Variants in MYO1F observed in about 807,000 individuals in gnomAD.
The protein encoded by MYO1F is unconventional myosin-If.
In MYO1F, 60 loss-of-function variants were observed where a neutral mutation model predicts 146.6. That is an observed-to-expected ratio of 0.41 (90% CI 0.33 to 0.51). The LOEUF (loss-of-function observed/expected upper bound fraction) is 0.51. Ranked by LOEUF, MYO1F falls within the 20% of genes least tolerant of loss-of-function variation. The probability of loss-of-function intolerance (pLI) is 0.25; values close to 1 mark genes in which losing one functional copy is unlikely to be tolerated. For synonymous variants in MYO1F, 602 were observed against 602.1 expected, an observed-to-expected ratio of 1.00 and a Z score of 0.00; for missense variants, 1,274 against 1,534.3, an observed-to-expected ratio of 0.83 and a Z score of 2.83.
chr19:8,572,017 C>G (rs562743218), intron 1 of MYO1F, among the ~76,000 whole-genome samples: 2 of 152,316 alleles, frequency 1.3e-5, no homozygotes, highest in African/African-American at 4.8e-5. Flanking sequence ...GCCACCGCGC[C>G]TGGCCTTTAT....
chr19:8,574,850 G>T (rs1400095209), intron 1 of MYO1F, among the ~76,000 whole-genome samples: 1 of 148,834 alleles, frequency 6.7e-6, no homozygotes, highest in East Asian at 2.0e-4. Flanking sequence ...CTGCCTCCTG[G>T]GTTCAAGTGA....
chr19:8,573,475 A>G (rs1431224019), intron 1 of MYO1F, among the ~76,000 whole-genome samples: 4 of 152,142 alleles, frequency 2.6e-5, no homozygotes, highest in African/African-American at 9.7e-5. Context: ...GACAGGTCCC[A>G]TGAGCAATTC....
rs369571817 is a variant in MYO1F, at chr19:8,526,893, G to C, written c.2517C>G (p.Ala839=). Residue 839 remains alanine, a synonymous_variant, in exon 23 of 28, where the codon GCC becomes GCG. Coordinates refer to ENST00000644032, the MANE Select transcript of MYO1F (RefSeq NM_012335.4). ...DDFFILQEDA[A]DSFLESVFKT... Reference sequence around the variant, plus strand: ...TGAAGACGCTCTCCAGGAAGCTGTCGGCGGCATCCTCTTGGAGGATGAAGA... The same window carrying C: ...TGAAGACGCTCTCCAGGAAGCTGTCCGCGGCATCCTCTTGGAGGATGAAGA... 8.1e-6 allele frequency: 13 copies of C among 1,613,922 alleles called. No homozygotes were observed. The highest frequency in any genetic ancestry group is 1.1e-5 in the South Asian group (1 of 91,082).
intron 16 of MYO1F, among the ~76,000 whole-genome samples, chr19:8,539,421 AAAACC>A (rs1160382101): frequency 2.0e-5 from 3 of 151,884 alleles, no homozygotes; most frequent in Middle Eastern, 3.4e-3. Flanking sequence ...TCTCAAAAAA[AAAACC>A]AAACCAACAA....
At chr19:8,522,293 A>G (rs1972091749) in intron 27 of MYO1F, 84 bp downstream of exon 27, 1 of 1,573,494 alleles carries the variant, frequency 6.4e-7, no homozygotes, top group Non-Finnish European at 8.7e-7. Flanking sequence ...AAATGCTGGG[A>G]TTACAGGCGT....
rs2145837993 is a variant in MYO1F, at chr19:8,530,604, G to A, written c.2044-31C>T. On this transcript the variant is annotated intron_variant, in intron 19 of 27. Transcript: ENST00000644032. This position sits in a 1 kb window ranked among gnomAD's most constrained non-coding sequence, Gnocchi z 5.8. ...CGGGGGTCGTGGGGGGCAAGGGTGAGTCCTGGTGTCTCCCCAGGGGCTGCA... is the reference window on the plus strand; with the variant it reads ...CGGGGGTCGTGGGGGGCAAGGGTGAATCCTGGTGTCTCCCCAGGGGCTGCA... 1 of 1,536,794 alleles carries A rather than the reference G, an allele frequency of 6.5e-7. No individual in the cohort carries two copies. Among genetic ancestry groups the A allele is most frequent in the East Asian group, 2.2e-5 (1 of 44,506 alleles).
intron 14 of MYO1F, among the ~76,000 whole-genome samples, chr19:8,542,963 G>A (rs1472788203): frequency 6.6e-6 from 1 of 151,818 alleles, no homozygotes; most frequent in Admixed American, 6.6e-5. Context: ...GAGTGCTGTG[G>A]CACAATCTTG....
chr19:8,544,370 T>C lies in MYO1F; in HGVS notation c.1451A>G (p.Gln484Arg). 3 of 1,613,112 alleles carry C rather than the reference T, an allele frequency of 1.9e-6. No individual in the cohort carries two copies. The highest frequency in any genetic ancestry group is 2.5e-6 in the Non-Finnish European group (3 of 1,179,852). The change falls in exon 14 of 28, where the codon CAG becomes CGG. Residue 484 changes from glutamine (Q) to arginine (R), a missense_variant. Gln to Arg is a conservative substitution (Grantham distance 43). Around this residue, in one of 2 missense-constraint regions of MYO1F, gnomAD observed 900 missense variants for 1,155.1 expected, o/e 0.78. Transcript: ENST00000644032. Reference sequence around the variant, plus strand: ...ATGCTCGTGGGTCCCCACAGCCGCCTGCAGCTTCTGCAGCAGTGTCTGGTC... The same window carrying C: ...ATGCTCGTGGGTCCCCACAGCCGCCCGCAGCTTCTGCAGCAGTGTCTGGTC... ...GADQTLLQKL[Q>R]AAVGTHEHFN...
Position 8,522,823 on chromosome 19 carries a change from T to G in MYO1F, c.2861A>C (p.Asp954Ala). 1 of 1,568,312 alleles carries G rather than the reference T, an allele frequency of 6.4e-7. No homozygotes were observed. Among genetic ancestry groups the G allele is most frequent in the Non-Finnish European group, 8.6e-7 (1 of 1,160,808 alleles). The change falls in exon 26 of 28, where the codon GAT (aspartate) becomes GCT (alanine). Residue 954 changes from aspartate to alanine, a missense_variant. Coordinates refer to ENST00000644032, the MANE Select transcript of MYO1F (RefSeq NM_012335.4). ...RAAPAPPRGMDRNGVPPSARG... is the reference protein window; with the variant it reads ...RAAPAPPRGMARNGVPPSARG... The stretch of plus-strand genomic sequence containing the variant: ...GGCAGAGGGGGGCACCCCATTGCGA[T>G]CCATGCCTGTGGCAGGAGCAAGGAT...
At chr19:8,537,135 A>C in intron 16 of MYO1F, 80 bp from the exon 17 acceptor site, 1 of 921,332 alleles carries the variant, frequency 1.1e-6, no homozygotes, top group East Asian at 2.7e-5. Flanking sequence ...CCCTGGATAC[A>C]GTCCCAATAG....
intron 1 of MYO1F, among the ~76,000 whole-genome samples, chr19:8,570,510 G>A (rs1261568514): frequency 1.3e-5 from 2 of 151,164 alleles, no homozygotes; most frequent in Non-Finnish European, 2.9e-5. Flanking sequence ...GGGATTACAG[G>A]TGCACGCCAC....
intron 1 of MYO1F, among the ~76,000 whole-genome samples, chr19:8,559,842 C>T (rs150648046): frequency 0.02 from 3,039 of 148,790 alleles, 106 homozygotes; most frequent in African/African-American, 0.071. Flanking sequence ...CCCAGCTACT[C>T]GGGAGGCTGA....
At chr19:8,559,246 G>A (rs1049097358) in intron 1 of MYO1F, among the ~76,000 whole-genome samples, 2 of 148,742 alleles carry the variant, frequency 1.3e-5, no homozygotes, top group South Asian at 2.1e-4. Flanking sequence ...CAGGGCACAA[G>A]CAGAAGTGTC....
rs575214542 is a variant in MYO1F at position 8,530,766 on chromosome 19, G to A, written c.2044-193C>T. ...AGAAAAGAAGAAAAAGGGGCCGGGC[G>A]CAGTGGCTCACGCCTGTAATCCTAG... On this transcript the variant is annotated intron_variant, in intron 19 of 27. Transcript: ENST00000644032. The surrounding 1 kb of genome is among the most constrained non-coding windows in gnomAD (Gnocchi z 5.8). Among the ~76,000 whole-genome samples, 2 of 152,330 alleles carry A rather than the reference G, an allele frequency of 1.3e-5. No individual in the cohort carries two copies. The highest frequency in any genetic ancestry group is 2.9e-5 in the Non-Finnish European group (2 of 68,036).
At chr19:8,574,786 C>G (rs1177166174) in intron 1 of MYO1F, among the ~76,000 whole-genome samples, 2 of 144,574 alleles carry the variant, frequency 1.4e-5, no homozygotes, top group African/African-American at 2.6e-5. Context: ...GATGGAGCCT[C>G]TCTCTGTGGC....
chr19:8,556,526 G>A (rs577485957), intron 1 of MYO1F, among the ~76,000 whole-genome samples: 32 of 149,328 alleles, frequency 2.1e-4, no homozygotes, highest in Admixed American at 1.4e-3. Context: ...GAGAAAGAAA[G>A]AAAGAAATGA....
At chr19:8,537,113 C>T (rs1972761319) in intron 16 of MYO1F, 58 bp from the exon 17 acceptor site, 1 of 1,161,446 alleles carries the variant, frequency 8.6e-7, no homozygotes, top group South Asian at 1.3e-5. Context: ...CCTCTGGCCC[C>T]TCTTTTTTCC....
At chr19:8,574,713 TTCTTTC>T (rs1365057846) in intron 1 of MYO1F, among the ~76,000 whole-genome samples, 11 of 149,328 alleles carry the variant, frequency 7.4e-5, no homozygotes, top group Non-Finnish European at 1.6e-4. Flanking sequence ...TTCTTTCTTT[TTCTTTC>T]TCTTTCTTTC....
At chr19:8,527,593 G>A (rs1972322239) in intron 21 of MYO1F, 110 bp from the exon 22 acceptor site, 8 of 1,371,788 alleles carry the variant, frequency 5.8e-6, no homozygotes, top group Admixed American at 2.0e-5. Context: ...AGGAAGGTGG[G>A]AGCCCTCCAG....
Sources: gnomAD v4.1 joint callset for allele counts (sites outside exome capture counted in the v4.1 genomes callset) on GRCh38, gnomAD v4.1.1 for gene constraint, gnomAD v4.1.1 regional missense constraint, Gnocchi (gnomAD v3.1) non-coding constraint, MANE v1.5 for transcripts, NCBI Gene and HGNC (gene_info 2026-07-23, HGNC 2026-07-21) for gene names.